Variants in MVB12B observed in about 807,000 individuals in gnomAD.
The protein encoded by MVB12B is multivesicular body subunit 12B, also known as ESCRT-I complex subunit MVB12B.
In MVB12B, 16 loss-of-function variants were observed where a neutral mutation model predicts 41.6. The ratio of observed to expected loss-of-function variants is 0.38; its 90% CI spans 0.26 to 0.58. MVB12B has a LOEUF of 0.58. Among genes scored for constraint, MVB12B ranks in the 20% least tolerant of loss-of-function variants. MVB12B has a pLI of 0.62. For missense variants in MVB12B, 274 were observed against 380.2 expected (o/e 0.72, Z 2.32); for synonymous variants, 133 against 139.7 (o/e 0.95, Z 0.34).
intron 6 of MVB12B, among the ~76,000 whole-genome samples, chr9:126,416,357 G>A (rs552733643): frequency 5.3e-5 from 8 of 152,320 alleles, no homozygotes; most frequent in African/African-American, 9.6e-5. Flanking sequence ...TGGTGCTGGC[G>A]CTGGGATTTG....
chr9:126,370,941 AT>A (rs1038911708), intron 2 of MVB12B, among the ~76,000 whole-genome samples: 1 of 152,044 alleles, frequency 6.6e-6, no homozygotes, highest in East Asian at 1.9e-4. Flanking sequence ...TATACTCCAC[AT>A]TTTTTTCTAA....
At chr9:126,496,964 G>A (rs1308565410) in intron 9 of MVB12B, among the ~76,000 whole-genome samples, 1 of 152,204 alleles carries the variant, frequency 6.6e-6, no homozygotes, top group Non-Finnish European at 1.5e-5. Context: ...GGGAGACCCA[G>A]GCTTGGAGGA....
At chr9:126,416,231 C>T (rs1405700178) in intron 6 of MVB12B, among the ~76,000 whole-genome samples, 1 of 152,198 alleles carries the variant, frequency 6.6e-6, no homozygotes, top group South Asian at 2.1e-4. Flanking sequence ...AGGATTGAAG[C>T]TCGCGTACTT....
intron 6 of MVB12B, among the ~76,000 whole-genome samples, chr9:126,410,884 A>C (rs997385085): frequency 2.2e-5 from 3 of 134,414 alleles, no homozygotes; most frequent in African/African-American, 8.1e-5. Flanking sequence ...TATTTTGGTT[A>C]TTTCTTTTTT....
intron 2 of MVB12B, among the ~76,000 whole-genome samples, chr9:126,366,185 G>T (rs918644994): frequency 2.0e-4 from 30 of 151,636 alleles, no homozygotes; most frequent in Admixed American, 1.7e-3. Context: ...CACCATCTTT[G>T]TATGCCCTAC....
chr9:126,469,200 G>C (rs1438640016), intron 7 of MVB12B, among the ~76,000 whole-genome samples: 2 of 152,112 alleles, frequency 1.3e-5, no homozygotes, highest in Non-Finnish European at 2.9e-5. Context: ...ATAATATTCT[G>C]TCCTTTTTCT....
At chr9:126,343,159 T>C (rs1225923802) in intron 2 of MVB12B, among the ~76,000 whole-genome samples, 1 of 152,206 alleles carries the variant, frequency 6.6e-6, no homozygotes. Flanking sequence ...GGAGCCTTCT[T>C]AGGCTAGGGG....
At chr9:126,471,575 C>G (rs1833316359) in intron 7 of MVB12B, among the ~76,000 whole-genome samples, 1 of 152,176 alleles carries the variant, frequency 6.6e-6, no homozygotes, top group Admixed American at 6.5e-5. Context: ...CAAATATCTT[C>G]CAAGGAATAT....
chr9:126,355,366 A>C (rs1829853390), intron 2 of MVB12B, among the ~76,000 whole-genome samples: 1 of 152,228 alleles, frequency 6.6e-6, no homozygotes, highest in African/African-American at 2.4e-5. Context: ...CCACGTGCAT[A>C]GAGGTTGTAG....
At chr9:126,481,468 G>T in intron 8 of MVB12B, 44 bp downstream of exon 8, 1 of 1,427,346 alleles carries the variant, frequency 7.0e-7, no homozygotes, top group Non-Finnish European at 9.9e-7. Flanking sequence ...CCACCCCCCA[G>T]CCTGAGGTCC....
intron 9 of MVB12B, among the ~76,000 whole-genome samples, chr9:126,492,385 T>C (rs1425722391): frequency 1.3e-5 from 2 of 151,964 alleles, no homozygotes; most frequent in East Asian, 3.9e-4. Context: ...CTGGCTCGCC[T>C]GGGTCTTTCC....
chr9:126,421,454 T>G (rs923297617), intron 6 of MVB12B, among the ~76,000 whole-genome samples: 2 of 152,208 alleles, frequency 1.3e-5, no homozygotes, highest in African/African-American at 4.8e-5. Context: ...ATGGAAGCAT[T>G]TGCATGGCTC....
chr9:126,355,986 C>G (rs1829870209), intron 2 of MVB12B, among the ~76,000 whole-genome samples: 1 of 152,142 alleles, frequency 6.6e-6, no homozygotes, highest in African/African-American at 2.4e-5. Flanking sequence ...AATCTGTGTT[C>G]TGTTGCTATG....
At chr9:126,496,226 C>T (rs922805404) in intron 9 of MVB12B, among the ~76,000 whole-genome samples, 1 of 145,464 alleles carries the variant, frequency 6.9e-6, no homozygotes, top group Non-Finnish European at 1.5e-5. Flanking sequence ...TCCACCCACC[C>T]ATCCATACAC....
At chr9:126,351,481 C>CGCT (rs1829745073) in intron 2 of MVB12B, among the ~76,000 whole-genome samples, 3 of 106,038 alleles carry the variant, frequency 2.8e-5, no homozygotes, top group Admixed American at 1.1e-4. Context: ...CAGTCTTTCA[C>CGCT]TCTTTTTTTT....
intron 2 of MVB12B, among the ~76,000 whole-genome samples, chr9:126,380,251 T>C (rs1485608983): frequency 1.3e-5 from 2 of 152,044 alleles, no homozygotes; most frequent in South Asian, 2.1e-4. Context: ...CTCCTAGCCT[T>C]CTTCTCCTCC....
Position 126,431,123 on chromosome 9 carries a change from T to C in MVB12B, c.757+9175T>C, listed in dbSNP as rs553261185. 2.6e-5 allele frequency among the ~76,000 whole-genome samples: 4 copies of C among 152,342 alleles called. No individual in the cohort carries two copies. In the East Asian group the frequency reaches 7.7e-4, roughly 29 times the overall value. Reference sequence around the variant, plus strand: ...GTCTTCATCTTCTTAGCCGTGTGCTTCCTTATATAATTTTGATATATAAGA... The same window carrying C: ...GTCTTCATCTTCTTAGCCGTGTGCTCCCTTATATAATTTTGATATATAAGA... On this transcript the variant is annotated intron_variant, in intron 7 of 9. Coordinates refer to ENST00000361171, the MANE Select transcript of MVB12B (RefSeq NM_033446.3).
At chr9:126,359,097 G>T (rs1829960938) in intron 2 of MVB12B, among the ~76,000 whole-genome samples, 1 of 149,822 alleles carries the variant, frequency 6.7e-6, no homozygotes, top group African/African-American at 2.5e-5. Flanking sequence ...GTCTCACTCT[G>T]TTGCCCAGGC....
chr9:126,482,920 C>G (rs1355245633), intron 8 of MVB12B, among the ~76,000 whole-genome samples: 2 of 152,224 alleles, frequency 1.3e-5, no homozygotes, highest in South Asian at 2.1e-4. Context: ...TTTTAATGGA[C>G]GAGGGAATGA....
Sources: allele counts gnomAD v4.1 joint callset (sites outside exome capture counted in the v4.1 genomes callset), GRCh38; gene constraint gnomAD v4.1.1; transcripts MANE v1.5; gene names NCBI Gene and HGNC (gene_info 2026-07-23, HGNC 2026-07-21).